TSNARE1: variants seen among roughly 807,000 people sequenced by gnomAD.
TSNARE1 encodes the protein t-SNARE domain containing 1.
A neutral mutation model predicts 62.0 loss-of-function variants in TSNARE1; 49 were observed. The observed-to-expected ratio is 0.79, with a 90% confidence interval of 0.63 to 1.00. The LOEUF is 1.00. Ranked by LOEUF, TSNARE1 falls within the 50% of genes least tolerant of loss-of-function variation. TSNARE1 has a pLI of 0.00. For synonymous variants in TSNARE1, 328 were observed against 294.4 expected (o/e 1.11, Z -1.17); for missense variants, 755 against 700.1 (o/e 1.08, Z -0.88).
At chr8:142,247,429 TTCTC>T (rs748298522) in intron 12 of TSNARE1, among the ~76,000 whole-genome samples, 40 of 152,222 alleles carry the variant, frequency 2.6e-4, no homozygotes, top group Non-Finnish European at 5.1e-4. Flanking sequence ...TCTTTCCTGT[TTCTC>T]TCATTCAAAG....
intron 13 of TSNARE1, among the ~76,000 whole-genome samples, chr8:142,228,832 T>C (rs1816955889): frequency 2.0e-5 from 3 of 151,884 alleles, no homozygotes; most frequent in South Asian, 4.2e-4. Flanking sequence ...GGATAGGTGA[T>C]AGATGAATGG....
chr8:142,236,814 G>A (rs1215985058), intron 12 of TSNARE1, among the ~76,000 whole-genome samples: 1 of 152,160 alleles, frequency 6.6e-6, no homozygotes. Context: ...ATGTGCAGGG[G>A]CTGTCCTAGG....
chr8:142,367,303 G>A (rs933993094), intron 1 of TSNARE1, among the ~76,000 whole-genome samples: 1 of 152,234 alleles, frequency 6.6e-6, no homozygotes, highest in Non-Finnish European at 1.5e-5. Context: ...AAGAATAACT[G>A]GGAAAACGCT....
intron 8 of TSNARE1, 118 bp from the exon 9 acceptor site, chr8:142,314,558 A>G: frequency 3.5e-6 from 3 of 848,490 alleles, no homozygotes; most frequent in Non-Finnish European, 3.7e-6. Flanking sequence ...CACGCCTGCC[A>G]CTCCCAGAAG....
At chr8:142,370,440 C>A (rs1835842643) in intron 1 of TSNARE1, among the ~76,000 whole-genome samples, 1 of 152,092 alleles carries the variant, frequency 6.6e-6, no homozygotes, top group Admixed American at 6.5e-5. Flanking sequence ...ATTCGTTGGG[C>A]ACAATGATAT....
At chr8:142,284,170 T>C (rs951368523) in intron 11 of TSNARE1, among the ~76,000 whole-genome samples, 2 of 152,110 alleles carry the variant, frequency 1.3e-5, no homozygotes, top group African/African-American at 4.8e-5. Flanking sequence ...CCAGTGTCTG[T>C]CAATGAGCAG....
Position 142,255,109 on chromosome 8 carries a change from C to G in TSNARE1, c.1446+19672G>C, listed in dbSNP as rs1158692874. ...GAGAGCTCTCAGATACAGAGGCCCC[C>G]AGCGGCTGAAGGGGAGTGAGGCAGG... is the stretch of plus-strand genomic sequence containing the variant. On this transcript the variant is annotated intron_variant, in intron 12 of 13. Coordinates refer to ENST00000524325, the MANE Select transcript of TSNARE1 (RefSeq NM_145003.5). 2.0e-5 allele frequency among the ~76,000 whole-genome samples: 3 copies of G among 152,058 alleles called. No individual in the cohort carries two copies. The East Asian group carries it at 5.8e-4, about 29-fold the overall frequency.
intron 4 of TSNARE1, among the ~76,000 whole-genome samples, chr8:142,342,569 T>A (rs1832726715): frequency 6.6e-6 from 1 of 152,162 alleles, no homozygotes; most frequent in Admixed American, 6.5e-5. Context: ...ACAGCTGGAA[T>A]CCAGTGCAGG....
At chr8:142,345,609 G>A (rs1262377642) in intron 3 of TSNARE1, 134 bp downstream of exon 3, 3 of 1,087,688 alleles carry the variant, frequency 2.8e-6, no homozygotes, top group African/African-American at 1.6e-5. Flanking sequence ...CAGGGGGCAG[G>A]GGATGCAGGT....
At chr8:142,316,922 C>T (rs909914825) in intron 7 of TSNARE1, among the ~76,000 whole-genome samples, 2 of 152,042 alleles carry the variant, frequency 1.3e-5, no homozygotes, top group South Asian at 4.1e-4. Context: ...CTGAGCCACG[C>T]TGCTGGCTCT....
chr8:142,229,684 G>A, intron 12 of TSNARE1, 105 bp from the exon 13 acceptor site: 1 of 931,202 alleles, frequency 1.1e-6, no homozygotes, highest in Non-Finnish European at 1.7e-6. Flanking sequence ...CAGGGGCTGA[G>A]TCCACCCTGG....
chr8:142,246,222 C>A (rs1027121658), intron 12 of TSNARE1, among the ~76,000 whole-genome samples: 1 of 152,106 alleles, frequency 6.6e-6, no homozygotes, highest in African/African-American at 2.4e-5. Flanking sequence ...CTTGTAGCCA[C>A]CCCTACCCCC....
At position 142,277,692 on chromosome 8, in the gene TSNARE1, G is replaced by A. The variant is rs950048812; in HGVS notation, c.1364-2829C>T. The A allele has an allele frequency of 1.3e-5, 13 of 985,466 alleles. No homozygotes were observed. In the African/African-American group the frequency reaches 1.7e-4, roughly 13 times the overall value. 61.0% of individuals were successfully genotyped at this position (985,466 alleles called of 1,614,324 possible). A position where few individuals can be genotyped will look rare whatever the true frequency, so the allele number is the denominator to read the frequency against. On this transcript the variant is annotated intron_variant, in intron 11 of 13. Transcript: ENST00000524325. Reference sequence around the variant, plus strand: ...GGCAGGCCACTCAAAGCAGCTCACAGGCACCAAAGACTCCCGTGCTGCAGG... The same window carrying A: ...GGCAGGCCACTCAAAGCAGCTCACAAGCACCAAAGACTCCCGTGCTGCAGG...
At chr8:142,225,847 A>G (rs1816747014) in intron 13 of TSNARE1, among the ~76,000 whole-genome samples, 1 of 152,194 alleles carries the variant, frequency 6.6e-6, no homozygotes, top group South Asian at 2.1e-4. Context: ...GTTCTCTCAT[A>G]GCCCGGGAGG....
intron 9 of TSNARE1, among the ~76,000 whole-genome samples, chr8:142,308,650 C>T (rs1304239853): frequency 6.6e-6 from 1 of 152,224 alleles, no homozygotes; most frequent in African/African-American, 2.4e-5. Context: ...AAACACCACA[C>T]TGTTTTCATT....
At chr8:142,222,767 T>G (rs200223578) in intron 13 of TSNARE1, among the ~76,000 whole-genome samples, 1 of 46,608 alleles carries the variant, frequency 2.1e-5, no homozygotes. Context: ...CACTCACTCA[T>G]TCACTCATCC....
intron 1 of TSNARE1, among the ~76,000 whole-genome samples, chr8:142,371,141 A>C (rs1370908946): frequency 2.0e-5 from 3 of 152,244 alleles, no homozygotes; most frequent in African/African-American, 7.2e-5. Flanking sequence ...TGAAATCAAC[A>C]AATTCCTTGA....
intron 1 of TSNARE1, among the ~76,000 whole-genome samples, chr8:142,379,002 A>T (rs1372708651): frequency 6.6e-6 from 1 of 152,130 alleles, no homozygotes; most frequent in African/African-American, 2.4e-5. Context: ...GCACTCTCAT[A>T]GCTCCCTGGA....
chr8:142,331,976 C>A, intron 4 of TSNARE1, 145 bp from the exon 5 acceptor site: 1 of 728,076 alleles, frequency 1.4e-6, no homozygotes, highest in South Asian at 1.6e-5. Context: ...GCCTTTGCGG[C>A]TTGGCCACCC....
Sources: gnomAD v4.1 joint callset for allele counts (sites outside exome capture counted in the v4.1 genomes callset) on GRCh38, gnomAD v4.1.1 for gene constraint, MANE v1.5 for transcripts, NCBI Gene and HGNC (gene_info 2026-07-23, HGNC 2026-07-21) for gene names.